The following LRRC4C variants were observed in gnomAD, a reference collection of about 807,000 sequenced individuals.
LRRC4C encodes the protein leucine rich repeat containing 4C.
In LRRC4C, 5 loss-of-function variants were observed where a neutral mutation model predicts 33.6. The observed-to-expected ratio is 0.15, with a 90% CI of 0.08 to 0.31. The LOEUF (loss-of-function observed/expected upper bound fraction) is 0.31. Ranked by LOEUF, LRRC4C falls within the 10% of genes least tolerant of loss-of-function variation. The pLI, the probability that LRRC4C is intolerant of heterozygous loss-of-function variation, is 1.00. For missense variants in LRRC4C, 560 were observed against 796.7 expected (o/e 0.70, Z 3.58); for synonymous variants, 329 against 302.0 (o/e 1.09, Z -0.93).
intron 3 of LRRC4C, among the ~76,000 whole-genome samples, chr11:40,605,400 C>T (rs1960472192): frequency 6.6e-6 from 1 of 152,122 alleles, no homozygotes; most frequent in Non-Finnish European, 1.5e-5. Flanking sequence ...TTTTTCCCTA[C>T]ATAGAGGCAA....
chr11:40,376,038 T>G (rs17390534), intron 3 of LRRC4C, among the ~76,000 whole-genome samples: 2,870 of 152,284 alleles, frequency 0.019, 42 homozygotes, highest in Middle Eastern at 0.051. Flanking sequence ...CTGGTACCGT[T>G]CCCAACTAAT....
intron 2 of LRRC4C, among the ~76,000 whole-genome samples, chr11:40,884,981 G>C (rs1360784659): frequency 6.6e-6 from 1 of 151,966 alleles, no homozygotes; most frequent in Non-Finnish European, 1.5e-5. Flanking sequence ...ACTTCAAAAA[G>C]GTGGGGGGTG....
intron 3 of LRRC4C, among the ~76,000 whole-genome samples, chr11:40,347,927 G>A (rs1313840407): frequency 6.6e-6 from 1 of 152,134 alleles, no homozygotes; most frequent in East Asian, 1.9e-4. Flanking sequence ...ACATTTTAAA[G>A]GGCATTGTAG....
intron 3 of LRRC4C, among the ~76,000 whole-genome samples, chr11:40,505,720 C>G (rs1274919800): frequency 6.6e-6 from 1 of 152,104 alleles, no homozygotes; most frequent in Non-Finnish European, 1.5e-5. Flanking sequence ...TTGACACTTG[C>G]TTTACTAGGT....
chr11:41,314,217 C>T (rs1292397287), intron 1 of LRRC4C, among the ~76,000 whole-genome samples: 4 of 152,142 alleles, frequency 2.6e-5, no homozygotes, highest in African/African-American at 7.2e-5. Context: ...ATTCCTCTTA[C>T]CAACTCTAAA....
At chr11:40,414,576 C>G (rs1293879398) in intron 3 of LRRC4C, among the ~76,000 whole-genome samples, 1 of 151,950 alleles carries the variant, frequency 6.6e-6, no homozygotes, top group Non-Finnish European at 1.5e-5. Context: ...AAAATTTATA[C>G]AAAAGAAAGT....
chr11:40,671,552 T>C lies in LRRC4C; in HGVS notation c.-406-23274A>G, dbSNP rs899630646. The stretch of plus-strand genomic sequence containing the variant: ...TTTCACTTTCTATATAGCACAAGTT[T>C]ATTTATGCCTAAGGATCTTTGCAAT... On this transcript the variant is annotated intron_variant, in intron 2 of 6. Transcript: ENST00000528697. Among the ~76,000 whole-genome samples, 3 of 152,220 alleles carry C rather than the reference T, an allele frequency of 2.0e-5. No homozygotes were observed. In the East Asian group the frequency reaches 5.8e-4, roughly 29 times the overall value.
chr11:41,348,234 T>G (rs981296528), intron 1 of LRRC4C, among the ~76,000 whole-genome samples: 3 of 152,186 alleles, frequency 2.0e-5, no homozygotes, highest in African/African-American at 7.2e-5. Flanking sequence ...TCTAGGTAAA[T>G]GTCTATTGTG....
intron 4 of LRRC4C, among the ~76,000 whole-genome samples, chr11:40,271,570 T>A (rs1010048043): frequency 1.7e-4 from 26 of 152,190 alleles, no homozygotes; most frequent in African/African-American, 6.0e-4. Flanking sequence ...TTATTGGCTC[T>A]GGCTGAAACA....
At chr11:40,363,434 G>A (rs1191148326) in intron 3 of LRRC4C, among the ~76,000 whole-genome samples, 1 of 152,064 alleles carries the variant, frequency 6.6e-6, no homozygotes, top group East Asian at 1.9e-4. Context: ...GGAGGGAGAG[G>A]ATCAGGGAAA....
intron 3 of LRRC4C, among the ~76,000 whole-genome samples, chr11:40,461,643 T>G (rs1181470571): frequency 6.7e-6 from 1 of 150,022 alleles, no homozygotes; most frequent in Non-Finnish European, 1.5e-5. Context: ...ATATAATACT[T>G]TCTCTAATTT....
intron 2 of LRRC4C, among the ~76,000 whole-genome samples, chr11:40,868,938 G>A (rs183753599): frequency 3.4e-4 from 51 of 152,138 alleles, no homozygotes; most frequent in Non-Finnish European, 5.6e-4. Context: ...TCAGAGACAC[G>A]ACATTTATTT....
At chr11:40,394,608 A>G (rs934897821) in intron 3 of LRRC4C, among the ~76,000 whole-genome samples, 5 of 152,178 alleles carry the variant, frequency 3.3e-5, no homozygotes, top group Admixed American at 2.0e-4. Context: ...TCCATCATAA[A>G]TCTAGTTCCA....
At chr11:41,339,385 C>A (rs1359522590) in intron 1 of LRRC4C, among the ~76,000 whole-genome samples, 1 of 152,138 alleles carries the variant, frequency 6.6e-6, no homozygotes, top group African/African-American at 2.4e-5. Context: ...TCAACTATAT[C>A]CCTGAAGACA....
chr11:40,928,666 T>G (rs1009637238), intron 2 of LRRC4C, among the ~76,000 whole-genome samples: 6 of 152,204 alleles, frequency 3.9e-5, no homozygotes, highest in Non-Finnish European at 8.8e-5. Context: ...GTACAAATGC[T>G]AAATTTAATT....
At chr11:40,319,896 T>C (rs1179661440) in intron 3 of LRRC4C, among the ~76,000 whole-genome samples, 175 bp from the exon 4 acceptor site, 1 of 152,080 alleles carries the variant, frequency 6.6e-6, no homozygotes, top group Non-Finnish European at 1.5e-5. Context: ...AAGACATGGG[T>C]AAACTATAGC....
chr11:40,524,296 T>A (rs1955947473), intron 3 of LRRC4C, among the ~76,000 whole-genome samples: 1 of 152,200 alleles, frequency 6.6e-6, no homozygotes, highest in South Asian at 2.1e-4. Context: ...TTTTATTTCA[T>A]GTCCTCTCTG....
chr11:40,773,836 A>C (rs1165450988), intron 2 of LRRC4C, among the ~76,000 whole-genome samples: 1 of 152,132 alleles, frequency 6.6e-6, no homozygotes, highest in African/African-American at 2.4e-5. Flanking sequence ...TTAATTGAAA[A>C]AATAATACAG....
At chr11:40,429,555 G>A (rs534551586) in intron 3 of LRRC4C, among the ~76,000 whole-genome samples, 26 of 143,290 alleles carry the variant, frequency 1.8e-4, no homozygotes, top group South Asian at 7.1e-4. Context: ...TTTTGAATCA[G>A]GTGCAATAAT....
Sources: gnomAD v4.1 joint callset for allele counts (sites outside exome capture counted in the v4.1 genomes callset) on GRCh38, gnomAD v4.1.1 for gene constraint, MANE v1.5 for transcripts, NCBI Gene and HGNC (gene_info 2026-07-23, HGNC 2026-07-21) for gene names.